LSAMP: variants seen among roughly 807,000 people sequenced by gnomAD.
The protein encoded by LSAMP is limbic system-associated membrane protein.
Under a neutral mutation model 38.6 loss-of-function variants are expected in LSAMP, and 7 were observed. The observed-to-expected ratio is 0.18, with a 90% CI of 0.10 to 0.34. LSAMP has a LOEUF of 0.34. LSAMP is among the 10% of genes least tolerant of loss of function. LSAMP has a pLI of 1.00. For synonymous variants in LSAMP, 154 were observed against 166.8 expected (o/e 0.92, Z 0.59); for missense variants, 313 against 420.0 (o/e 0.75, Z 2.23).
At chr3:116,157,713 A>G (rs62269184) in intron 1 of LSAMP, among the ~76,000 whole-genome samples, 10,229 of 152,124 alleles carry the variant, frequency 0.067, 399 homozygotes, top group Middle Eastern at 0.16. Context: ...CAGTAATAAA[A>G]AGCCTACCAA....
At chr3:115,940,992 GC>G (rs1283743296) in intron 3 of LSAMP, among the ~76,000 whole-genome samples, 1 of 151,928 alleles carries the variant, frequency 6.6e-6, no homozygotes, top group Non-Finnish European at 1.5e-5. Flanking sequence ...AGATAAATAG[GC>G]AACCTACAGA....
At chr3:115,941,308 G>A (rs550472083) in intron 3 of LSAMP, among the ~76,000 whole-genome samples, 1 of 152,134 alleles carries the variant, frequency 6.6e-6, no homozygotes, top group South Asian at 2.1e-4. Flanking sequence ...TGGAAAAAAG[G>A]GAACCTTGCA....
intron 1 of LSAMP, among the ~76,000 whole-genome samples, chr3:116,133,887 C>A (rs1452854024): frequency 6.6e-6 from 1 of 152,138 alleles, no homozygotes; most frequent in Non-Finnish European, 1.5e-5. Context: ...GTATTCCCAA[C>A]TTTTTTTCTG....
chr3:116,119,043 T>C (rs1022939755), intron 1 of LSAMP, among the ~76,000 whole-genome samples: 1 of 152,146 alleles, frequency 6.6e-6, no homozygotes, highest in African/African-American at 2.4e-5. Context: ...TGTTTAGTAA[T>C]AGATTTATAG....
At chr3:116,153,610 T>C (rs1209060134) in intron 1 of LSAMP, among the ~76,000 whole-genome samples, 1 of 152,154 alleles carries the variant, frequency 6.6e-6, no homozygotes, top group Non-Finnish European at 1.5e-5. Flanking sequence ...TTAGATCAAT[T>C]AGATCGTCTC....
chr3:116,113,420 A>ATATATTTTT (rs1553705042), intron 1 of LSAMP, among the ~76,000 whole-genome samples: 2 of 51,026 alleles, frequency 3.9e-5, no homozygotes, highest in Non-Finnish European at 6.3e-5. Context: ...ATATATATAT[A>ATATATTTTT]TTTTTTTTTT....
chr3:116,028,789 T>C (rs1488768772), intron 2 of LSAMP, among the ~76,000 whole-genome samples: 1 of 152,144 alleles, frequency 6.6e-6, no homozygotes, highest in Non-Finnish European at 1.5e-5. Flanking sequence ...GCAGACTCCA[T>C]GATTGCCAAA....
At chr3:116,425,364 C>T (rs896271062) in intron 1 of LSAMP, among the ~76,000 whole-genome samples, 1 of 152,096 alleles carries the variant, frequency 6.6e-6, no homozygotes, top group East Asian at 1.9e-4. Flanking sequence ...CTGTACATAC[C>T]ATTAAAAGAA....
Position 116,209,303 on chromosome 3 carries a change from A to G in LSAMP, c.156-122747T>C, listed in dbSNP as rs1413021002. Among the ~76,000 whole-genome samples, 16 of 151,786 alleles carry G rather than the reference A, an allele frequency of 1.1e-4. No homozygotes were observed. The East Asian group carries it at 2.9e-3, about 28-fold the overall frequency. ...CACTGACCTGCGCCCACTGTCTGAC[A>G]CTCCCTAGTGAGATGAACCCAGTAC... On this transcript the variant is annotated intron_variant, in intron 1 of 6. Transcript: ENST00000490035.
intron 1 of LSAMP, among the ~76,000 whole-genome samples, chr3:116,392,243 C>G (rs984226463): frequency 6.6e-6 from 1 of 152,176 alleles, no homozygotes; most frequent in East Asian, 1.9e-4. Flanking sequence ...GGTGCAGCTA[C>G]AGCCACCCTT....
At chr3:115,929,087 A>AG (rs528435879) in intron 3 of LSAMP, among the ~76,000 whole-genome samples, 21 of 151,142 alleles carry the variant, frequency 1.4e-4, no homozygotes, top group African/African-American at 5.1e-4. Flanking sequence ...TACTAGATAG[A>AG]GGGGTGTCCC....
chr3:115,942,595 A>G (rs1321196613), intron 3 of LSAMP, among the ~76,000 whole-genome samples: 1 of 152,186 alleles, frequency 6.6e-6, no homozygotes, highest in South Asian at 2.1e-4. Context: ...GCTACATTTT[A>G]TAAGCATAAA....
At chr3:116,055,072 C>T (rs1378302724) in intron 2 of LSAMP, among the ~76,000 whole-genome samples, 1 of 152,134 alleles carries the variant, frequency 6.6e-6, no homozygotes, top group African/African-American at 2.4e-5. Context: ...GGCAAACACC[C>T]TATTTTGTCC....
intron 1 of LSAMP, among the ~76,000 whole-genome samples, chr3:116,420,254 C>T (rs766876011): frequency 2.6e-5 from 4 of 151,928 alleles, no homozygotes; most frequent in African/African-American, 7.2e-5. Flanking sequence ...CCTGTCACCA[C>T]GCCTGGCTAA....
intron 3 of LSAMP, among the ~76,000 whole-genome samples, chr3:115,967,182 T>G (rs914660017): frequency 1.3e-5 from 2 of 152,230 alleles, no homozygotes; most frequent in Non-Finnish European, 2.9e-5. Context: ...ACCTCTTGAA[T>G]GCTTTGCTGC....
chr3:116,165,362 C>T (rs949825856), intron 1 of LSAMP, among the ~76,000 whole-genome samples: 5 of 152,164 alleles, frequency 3.3e-5, no homozygotes. Flanking sequence ...TTAATTTTGT[C>T]CCCTGCAGTG....
rs562864883 is a variant in LSAMP, at chr3:116,102,785, A to ATCTATCTATCTATCTG, written c.156-16230_156-16229insCAGATAGATAGATAGA. Among the ~76,000 whole-genome samples, 593 of 151,798 alleles carry ATCTATCTATCTATCTG rather than the reference A, an allele frequency of 3.9e-3. 3 individuals carry two copies. Among genetic ancestry groups the ATCTATCTATCTATCTG allele is most frequent in the African/African-American group, 0.014 (573 of 41,222 alleles). On this transcript the variant is annotated intron_variant, in intron 1 of 6. Transcript: ENST00000490035. ...TAAAATTTTATCTATCTATCTATCT[A>ATCTATCTATCTATCTG]TCTGTCTGTCTGTCTGTCTATCTTC...
At chr3:116,246,572 C>T (rs1475850113) in intron 1 of LSAMP, among the ~76,000 whole-genome samples, 1 of 152,150 alleles carries the variant, frequency 6.6e-6, no homozygotes, top group East Asian at 1.9e-4. Flanking sequence ...GAAAATTATG[C>T]CAAGCGTGCA....
Position 115,805,042 on chromosome 3 carries a change from C to T in LSAMP, c.*5275G>A, listed in dbSNP as rs1933599898. 1 of 152,176 alleles carries T rather than the reference C, an allele frequency of 6.6e-6. No individual in the cohort carries two copies. Among genetic ancestry groups the T allele is most frequent in the Admixed American group, 6.5e-5 (1 of 15,270 alleles). 9.4% of individuals were successfully genotyped at this position (152,176 alleles called of 1,614,324 possible). A position where few individuals can be genotyped will look rare whatever the true frequency, so the allele number is the denominator to read the frequency against. The stretch of plus-strand genomic sequence containing the variant: ...AAAAACTGAGTAATATTTTGCTCAT[C>T]AAGGTTTAGGTCACTTCCTTGGAGC... On this transcript the variant is annotated 3_prime_UTR_variant, in exon 7 of 7. Coordinates refer to ENST00000490035, the MANE Select transcript of LSAMP (RefSeq NM_002338.5).
Sources: allele counts gnomAD v4.1 joint callset (sites outside exome capture counted in the v4.1 genomes callset), GRCh38; gene constraint gnomAD v4.1.1; transcripts MANE v1.5; gene names NCBI Gene and HGNC (gene_info 2026-07-23, HGNC 2026-07-21).